The following BRWD1 variants were observed in gnomAD, a reference collection of about 807,000 sequenced individuals.
BRWD1 encodes bromodomain and WD repeat-containing protein 1.
In BRWD1, 82 loss-of-function variants were observed where a neutral mutation model predicts 251.2. That is an observed-to-expected ratio of 0.33 (90% CI 0.27 to 0.39). The LOEUF is 0.39. Among genes scored for constraint, BRWD1 ranks in the 10% least tolerant of loss-of-function variants. The probability of loss-of-function intolerance (pLI) is 1.00; values close to 1 mark genes in which losing one functional copy is unlikely to be tolerated. For synonymous variants in BRWD1, 918 were observed against 902.8 expected, an observed-to-expected ratio of 1.02 and a Z score of -0.30; for missense variants, 2,233 against 2,711.6, an observed-to-expected ratio of 0.82 and a Z score of 3.92.
intron 5 of BRWD1, chr21:39,298,009 A>G (rs1449793322): frequency 2.0e-6 from 2 of 985,910 alleles, no homozygotes; most frequent in Non-Finnish European, 2.4e-6. Flanking sequence ...AGCTGCTACC[A>G]AATTTAGAAA....
chr21:39,244,411 A>G (rs762084870), intron 21 of BRWD1, among the ~76,000 whole-genome samples: 3 of 150,380 alleles, frequency 2.0e-5, no homozygotes, highest in Non-Finnish European at 3.0e-5. Context: ...CTGAACCTCC[A>G]TATCTGTACC....
intron 12 of BRWD1, among the ~76,000 whole-genome samples, chr21:39,275,327 GTTTT>G (rs999812234): frequency 2.0e-5 from 3 of 151,618 alleles, no homozygotes; most frequent in Non-Finnish European, 4.4e-5. Flanking sequence ...TCTTAGAAAA[GTTTT>G]TTTTAACTAC....
intron 23 of BRWD1, among the ~76,000 whole-genome samples, chr21:39,233,648 CTCTT>C (rs922739056): frequency 1.3e-5 from 2 of 152,200 alleles, no homozygotes; most frequent in Non-Finnish European, 2.9e-5. Context: ...ATAGAGCTTT[CTCTT>C]TAAGTTTCAG....
chr21:39,283,942 T>A (rs987931437), intron 8 of BRWD1, among the ~76,000 whole-genome samples: 1 of 152,176 alleles, frequency 6.6e-6, no homozygotes, highest in Non-Finnish European at 1.5e-5. Context: ...TTCTTTGGCC[T>A]AGGATTTTAG....
chr21:39,287,465 T>C (rs1039284116), intron 8 of BRWD1, among the ~76,000 whole-genome samples: 3 of 152,226 alleles, frequency 2.0e-5, no homozygotes, highest in Non-Finnish European at 4.4e-5. Context: ...ACAGATACAA[T>C]GCATTTCATA....
intron 21 of BRWD1, 139 bp downstream of exon 21, chr21:39,247,562 A>T: frequency 1.1e-6 from 1 of 945,258 alleles, no homozygotes. Context: ...TTTTGTTAAC[A>T]TTCAAAATGT....
intron 4 of BRWD1, among the ~76,000 whole-genome samples, chr21:39,302,253 G>C (rs2036143652): frequency 6.6e-6 from 1 of 151,740 alleles, no homozygotes. Flanking sequence ...CAAAGTGCTG[G>C]GATTACAGGC....
chr21:39,210,690 C>G lies in BRWD1; in HGVS notation c.4044+96G>C, dbSNP rs2032617630. On this transcript the variant is annotated intron_variant, in intron 35 of 40. Transcript: ENST00000342449. ...TAGGAGCAAAAAAGTTAACATAAAG[C>G]CTGGGTATCTTTCTCTTTAAAGTTT... 5.0e-6 allele frequency: 7 copies of G among 1,395,794 alleles called. No individual in the cohort carries two copies. In the South Asian group the frequency reaches 1.1e-4, roughly 21 times the overall value. The allele number at this position is 1,395,794 out of a possible 1,614,324, so 86.5% of individuals were successfully genotyped here.
intron 19 of BRWD1, among the ~76,000 whole-genome samples, chr21:39,254,680 T>C (rs1338995204): frequency 6.6e-6 from 1 of 152,254 alleles, no homozygotes; most frequent in Admixed American, 6.5e-5. Flanking sequence ...CTTTTTTAGA[T>C]TTCTTTTTCA....
chr21:39,225,323 G>A, intron 27 of BRWD1, 126 bp from the exon 28 acceptor site: 5 of 660,402 alleles, frequency 7.6e-6, no homozygotes, highest in Admixed American at 5.7e-5. Context: ...CAGGCAAGCA[G>A]CGCTCCTAAA....
chr21:39,240,159 C>G (rs1400074553), intron 21 of BRWD1, among the ~76,000 whole-genome samples: 1 of 152,152 alleles, frequency 6.6e-6, no homozygotes, highest in Non-Finnish European at 1.5e-5. Context: ...AGGCTACTAG[C>G]TATATGATTC....
chr21:39,285,827 C>T (rs902765849), intron 8 of BRWD1, among the ~76,000 whole-genome samples: 1 of 133,478 alleles, frequency 7.5e-6, no homozygotes, highest in South Asian at 2.3e-4. Flanking sequence ...CTACTCCCAG[C>T]TACTCAGGAG....
chr21:39,218,948 C>A (rs2033062625), intron 29 of BRWD1, among the ~76,000 whole-genome samples: 1 of 152,000 alleles, frequency 6.6e-6, no homozygotes, highest in African/African-American at 2.4e-5. Context: ...ACCCTGAGGC[C>A]TCTGAAAACA....
At chr21:39,314,107 C>T (rs919731888), upstream of BRWD1, 9 of 455,870 alleles carry the variant, frequency 2.0e-5, no homozygotes, top group East Asian at 2.8e-4. Context: ...TCGTCTGGGG[C>T]CAGTGCGTCT....
In BRWD1 at chr21:39,200,371, T is replaced by G; in HGVS notation, c.4601A>C (p.Asp1534Ala). The G allele has an allele frequency of 6.2e-7, 1 of 1,611,700 alleles. No individual in the cohort carries two copies. Among genetic ancestry groups the G allele is most frequent in the Non-Finnish European group, 8.5e-7 (1 of 1,179,370 alleles). Reference sequence around the variant, plus strand: ...CGATGACAAAGAGGTAGCTAAAGAATCTTCCACTTCACTTTCTAGGAAAAA... The same window carrying G: ...CGATGACAAAGAGGTAGCTAAAGAAGCTTCCACTTCACTTTCTAGGAAAAA... Reference protein sequence around the residue: ...GSTLSESEVEDSLATSLSSSA... With the variant: ...GSTLSESEVEASLATSLSSSA... Residue 1534 changes from aspartate (D) to alanine (A), a missense_variant, in exon 39 of 41, where the codon GAT becomes GCT. Transcript: ENST00000342449.
rs762024639 is a variant in BRWD1 at position 39,187,295 on chromosome 21, G to A, written c.*8964C>T. 6.2e-6 allele frequency: 10 copies of A among 1,613,644 alleles called. No homozygotes were observed. The highest frequency in any genetic ancestry group is 1.6e-4 in the Middle Eastern group (1 of 6,084). On this transcript the variant is annotated 3_prime_UTR_variant, in exon 41 of 41. Transcript: ENST00000342449. ...TTTGCAGCAACAGTAGCACATCTGC[G>A]GGGAACTTTCTCAGGTACCATTTTT...
At chr21:39,297,341 A>G (rs1243194451) in intron 5 of BRWD1, 9 of 985,392 alleles carry the variant, frequency 9.1e-6, no homozygotes, top group Admixed American at 6.2e-5. Flanking sequence ...GTTACAAGGC[A>G]TCCTCCTGGG....
At chr21:39,318,381 C>T (rs1437571623), upstream of BRWD1, among the ~76,000 whole-genome samples, 3 of 152,074 alleles carry the variant, frequency 2.0e-5, no homozygotes, top group African/African-American at 7.2e-5. Flanking sequence ...TAATCCAAAG[C>T]CTAATATTAG....
chr21:39,307,269 G>T (rs996981679), intron 4 of BRWD1, among the ~76,000 whole-genome samples: 2 of 152,088 alleles, frequency 1.3e-5, no homozygotes, highest in African/African-American at 4.8e-5. Flanking sequence ...CCTCAGCAGG[G>T]TTAACTTAGA....
Sources: gnomAD v4.1 joint callset for allele counts (sites outside exome capture counted in the v4.1 genomes callset) on GRCh38, gnomAD v4.1.1 for gene constraint, MANE v1.5 for transcripts, NCBI Gene and HGNC (gene_info 2026-07-23, HGNC 2026-07-21) for gene names.